Variants in SAMD12 observed in about 807,000 individuals in gnomAD.
SAMD12 encodes sterile alpha motif domain-containing protein 12.
Under a neutral mutation model 15.0 loss-of-function variants are expected in SAMD12, and 9 were observed. The observed-to-expected ratio is 0.60, with a 90% CI of 0.36 to 1.05. The LOEUF (loss-of-function observed/expected upper bound fraction) is 1.05, where lower values mean the gene tolerates loss of function less well. Ranked by LOEUF, SAMD12 falls within the 50% of genes least tolerant of loss-of-function variation. SAMD12 has a pLI of 0.01. For synonymous variants in SAMD12, 86 were observed against 90.1 expected, an observed-to-expected ratio of 0.96 and a Z score of 0.25; for missense variants, 230 against 234.2, an observed-to-expected ratio of 0.98 and a Z score of 0.12.
At chr8:118,594,214 C>A (rs1037218492) in intron 1 of SAMD12, among the ~76,000 whole-genome samples, 1 of 151,458 alleles carries the variant, frequency 6.6e-6, no homozygotes, top group African/African-American at 2.4e-5. Flanking sequence ...AGGAAGCTCT[C>A]GGTGGTCCTC....
At chr8:118,584,179 C>T (rs1375017619) in intron 1 of SAMD12, among the ~76,000 whole-genome samples, 2 of 152,178 alleles carry the variant, frequency 1.3e-5, no homozygotes, top group Non-Finnish European at 2.9e-5. Context: ...CATAGCTGTT[C>T]CTTCCTCCAC....
intron 1 of SAMD12, among the ~76,000 whole-genome samples, 167 bp from the exon 2 acceptor site, chr8:118,581,060 G>T (rs1365495290): frequency 6.6e-6 from 1 of 152,180 alleles, no homozygotes; most frequent in African/African-American, 2.4e-5. Flanking sequence ...GCACGGTATA[G>T]TGGGAAACCT....
chr8:118,531,456 T>A (rs1825682702), intron 2 of SAMD12, among the ~76,000 whole-genome samples: 1 of 152,216 alleles, frequency 6.6e-6, no homozygotes, highest in Admixed American at 6.5e-5. Flanking sequence ...TTTTTCCAAT[T>A]CTGTGAAGAA....
chr8:118,133,104 T>G, the SAMD12 span, among the ~76,000 whole-genome samples: 1 of 148,596 alleles, frequency 6.7e-6, no homozygotes, highest in Non-Finnish European at 1.5e-5. Flanking sequence ...TCTGAATGAT[T>G]TCCATGTTGA....
chr8:118,393,402 A>T (rs116277622), intron 3 of SAMD12, among the ~76,000 whole-genome samples: 1,982 of 150,618 alleles, frequency 0.013, 42 homozygotes, highest in African/African-American at 0.044. Context: ...ATATATATAT[A>T]TTTTGATTTT....
chr8:118,562,556 T>C (rs1826734286), intron 2 of SAMD12, among the ~76,000 whole-genome samples: 1 of 152,076 alleles, frequency 6.6e-6, no homozygotes. Flanking sequence ...ATCCACAATG[T>C]AAAATTCTGC....
chr8:118,490,031 C>G (rs1369114905), intron 2 of SAMD12, among the ~76,000 whole-genome samples: 1 of 152,012 alleles, frequency 6.6e-6, no homozygotes, highest in African/African-American at 2.4e-5. Context: ...CAGCCCCTGT[C>G]TATAGAAAAA....
intron 2 of SAMD12, among the ~76,000 whole-genome samples, chr8:118,549,345 A>C (rs1160381369): frequency 6.6e-6 from 1 of 152,232 alleles, no homozygotes; most frequent in Non-Finnish European, 1.5e-5. Flanking sequence ...TCCAGAGGAA[A>C]TATCAGACAG....
chr8:118,549,792 C>A (rs952275407), intron 2 of SAMD12, among the ~76,000 whole-genome samples: 19 of 152,040 alleles, frequency 1.2e-4, no homozygotes, highest in African/African-American at 4.1e-4. Flanking sequence ...AAAATTTAGA[C>A]GAATGTATAA....
intron 4 of SAMD12, among the ~76,000 whole-genome samples, chr8:118,219,574 C>A (rs1291150632): frequency 6.6e-6 from 1 of 152,148 alleles, no homozygotes; most frequent in Non-Finnish European, 1.5e-5. Flanking sequence ...ACTGCTTTGA[C>A]CAGGAGAATG....
intron 1 of SAMD12, among the ~76,000 whole-genome samples, chr8:118,602,266 ATGGGACTTAGGACACT>A (rs1827881525): frequency 4.6e-5 from 7 of 152,244 alleles, no homozygotes. Context: ...CAGCACTAGA[ATGGGACTTAGGACACT>A]TGGGCTTTCT....
At chr8:118,510,252 ATG>A (rs2131063833) in intron 2 of SAMD12, among the ~76,000 whole-genome samples, 1 of 152,140 alleles carries the variant, frequency 6.6e-6, no homozygotes, top group African/African-American at 2.4e-5. Context: ...GCACACATGC[ATG>A]CACACACACA....
At chr8:118,557,108 T>A (rs112319146) in intron 2 of SAMD12, among the ~76,000 whole-genome samples, 2,689 of 152,124 alleles carry the variant, frequency 0.018, 85 homozygotes, top group African/African-American at 0.062. Context: ...TCATCTCAAA[T>A]TGTAATGCCG....
chr8:118,133,692 A>G, the SAMD12 span, among the ~76,000 whole-genome samples: 3,956 of 152,218 alleles, frequency 0.026, 171 homozygotes, highest in African/African-American at 0.09. Flanking sequence ...GAACTGATAC[A>G]TAGCAACAGC....
At chr8:118,244,430 G>A (rs1222886127) in intron 4 of SAMD12, among the ~76,000 whole-genome samples, 2 of 152,040 alleles carry the variant, frequency 1.3e-5, no homozygotes, top group Admixed American at 6.6e-5. Flanking sequence ...CATTTGCAAG[G>A]AACACTTATA....
At chr8:118,187,759 AC>A (rs1440504390), downstream of SAMD12, among the ~76,000 whole-genome samples, 3 of 152,178 alleles carry the variant, frequency 2.0e-5, no homozygotes, top group African/African-American at 7.2e-5. Context: ...TAAAGCTTTC[AC>A]GTACCTCAGA....
At chr8:118,331,815 T>C (rs1816819166) in intron 4 of SAMD12, among the ~76,000 whole-genome samples, 1 of 151,714 alleles carries the variant, frequency 6.6e-6, no homozygotes, top group Non-Finnish European at 1.5e-5. Context: ...AACTGGGAGG[T>C]TGAGGTGGTA....
chr8:118,221,248 G>A (rs991664872), intron 4 of SAMD12, among the ~76,000 whole-genome samples: 3 of 152,130 alleles, frequency 2.0e-5, no homozygotes, highest in African/African-American at 7.2e-5. Context: ...GGATGGGGGT[G>A]GGATGAAAGG....
chr8:118,485,949 C>T lies in SAMD12; in HGVS notation c.193-45988G>A, dbSNP rs566486795. Among the ~76,000 whole-genome samples the T allele has an allele frequency of 5.9e-5, 9 of 152,222 alleles. No individual in the cohort carries two copies. The South Asian group carries it at 6.2e-4, about 11-fold the overall frequency. ...GAAACAGATGGCACAATGAGGTACA[C>T]GAGAATTTCATGAAGGTAGTTAACA... On this transcript the variant is annotated intron_variant, in intron 2 of 3. Coordinates refer to ENST00000314727, the MANE Select transcript of SAMD12 (RefSeq NM_207506.3).
Sources: allele counts gnomAD v4.1 joint callset (sites outside exome capture counted in the v4.1 genomes callset), GRCh38; gene constraint gnomAD v4.1.1; transcripts MANE v1.5; gene names NCBI Gene and HGNC (gene_info 2026-07-23, HGNC 2026-07-21).